OSBPL10: variants seen among roughly 807,000 people sequenced by gnomAD.
OSBPL10 encodes oxysterol-binding protein-related protein 10.
A neutral mutation model predicts 81.7 loss-of-function variants in OSBPL10; 49 were observed. That is an observed-to-expected ratio of 0.60 (90% confidence interval 0.48 to 0.76). OSBPL10 has a LOEUF of 0.76. OSBPL10 is among the 30% of genes least tolerant of loss of function. The pLI is 0.00. For missense variants in OSBPL10, 923 were observed against 987.8 expected (o/e 0.93, Z 0.88); for synonymous variants, 419 against 383.6 (o/e 1.09, Z -1.08).
chr3:31,953,202 A>C (rs916425595), intron 1 of OSBPL10, among the ~76,000 whole-genome samples: 6 of 151,778 alleles, frequency 4.0e-5, no homozygotes, highest in Non-Finnish European at 4.4e-5. Context: ...CAAAGTGCTG[A>C]GATTACAGGC....
intron 1 of OSBPL10, among the ~76,000 whole-genome samples, chr3:31,932,329 C>T (rs1697272113): frequency 6.6e-6 from 1 of 152,164 alleles, no homozygotes; most frequent in African/African-American, 2.4e-5. Flanking sequence ...TTCCTTACCT[C>T]CAAGACAACA....
At chr3:31,738,235 G>A (rs890061027) in intron 5 of OSBPL10, among the ~76,000 whole-genome samples, 7 of 151,902 alleles carry the variant, frequency 4.6e-5, no homozygotes, top group African/African-American at 1.2e-4. Context: ...TATTTTCTCC[G>A]GCTTTTTATT....
intron 4 of OSBPL10, among the ~76,000 whole-genome samples, chr3:31,769,278 AC>A (rs1698289161): frequency 6.6e-6 from 1 of 151,740 alleles, no homozygotes; most frequent in South Asian, 2.1e-4. Flanking sequence ...CCCCGTCTCT[AC>A]TAAAAAACAC....
At chr3:31,810,047 C>T (rs6809140) in intron 4 of OSBPL10, among the ~76,000 whole-genome samples, 145,093 of 151,910 alleles carry the variant, frequency 0.96, 69,425 homozygotes, top group African/African-American at 0.97. Flanking sequence ...AATTTCGTAT[C>T]TTTGATAGAG....
At chr3:31,812,717 A>AAGAAAGAG (rs1553628768) in intron 4 of OSBPL10, among the ~76,000 whole-genome samples, 1 of 53,490 alleles carries the variant, frequency 1.9e-5, no homozygotes, top group East Asian at 1.8e-3. Flanking sequence ...GTAGGCAAAA[A>AAGAAAGAG]AAAAGAAAGA....
At chr3:31,863,135 C>T (rs1355810890) in intron 3 of OSBPL10, among the ~76,000 whole-genome samples, 1 of 151,844 alleles carries the variant, frequency 6.6e-6, no homozygotes, top group Non-Finnish European at 1.5e-5. Flanking sequence ...CTTGAAAACA[C>T]TATGCTAAGT....
chr3:31,735,692 AGGAAGT>A (rs1349379776), intron 5 of OSBPL10, among the ~76,000 whole-genome samples: 3 of 151,884 alleles, frequency 2.0e-5, no homozygotes, highest in African/African-American at 7.3e-5. Context: ...TACATCGGGG[AGGAAGT>A]CTCCTGTGTA....
At chr3:31,739,295 G>T (rs952645137) in intron 5 of OSBPL10, among the ~76,000 whole-genome samples, 1 of 152,020 alleles carries the variant, frequency 6.6e-6, no homozygotes, top group African/African-American at 2.4e-5. Context: ...AGGAGGGAAA[G>T]GAAAGGACGA....
chr3:32,026,066 G>GATA (rs1237927912), intron 2 of OSBPL10, among the ~76,000 whole-genome samples: 8 of 78,772 alleles, frequency 1.0e-4, no homozygotes, highest in East Asian at 1.2e-3. Flanking sequence ...ATGATAGATA[G>GATA]ATAGATAGAT....
chr3:31,714,492 ACTGT>A (rs1233306255), intron 6 of OSBPL10: 2 of 152,730 alleles, frequency 1.3e-5, no homozygotes, highest in Admixed American at 6.5e-5. Flanking sequence ...ACTAGTCAAA[ACTGT>A]CTGCAGATTC....
At chr3:31,815,920 A>G (rs1699823550) in intron 4 of OSBPL10, among the ~76,000 whole-genome samples, 2 of 152,180 alleles carry the variant, frequency 1.3e-5, no homozygotes, top group African/African-American at 4.8e-5. Context: ...ACGTGAGATA[A>G]AAACAGGCAG....
intron 3 of OSBPL10, among the ~76,000 whole-genome samples, chr3:31,832,989 G>T (rs529239361): frequency 2.0e-5 from 3 of 152,342 alleles, no homozygotes; most frequent in Non-Finnish European, 4.4e-5. Flanking sequence ...AAATACCGCA[G>T]ATTGTAAAGA....
chr3:31,860,216 G>A (rs1701025494), intron 3 of OSBPL10, among the ~76,000 whole-genome samples: 1 of 152,146 alleles, frequency 6.6e-6, no homozygotes. Flanking sequence ...GGCAACCTCT[G>A]CATCATTCAC....
At position 31,965,449 on chromosome 3, in the gene OSBPL10, T is replaced by TATAATAGATAATATAA. The variant is rs1559534768; in HGVS notation, c.281+15449_281+15450insTTATATTATCTATTAT. ...TAGATAATATATAATATATATTATA[T>TATAATAGATAATATAA]AATATATAATTTATATAATATATAT... is the stretch of plus-strand genomic sequence containing the variant. On this transcript the variant is annotated intron_variant, in intron 1 of 11. Coordinates refer to ENST00000396556, the MANE Select transcript of OSBPL10 (RefSeq NM_017784.5). 3.3e-3 allele frequency among the ~76,000 whole-genome samples: 243 copies of TATAATAGATAATATAA among 73,498 alleles called. 36 individuals carry two copies. Among genetic ancestry groups the TATAATAGATAATATAA allele is most frequent in the African/African-American group, 0.017 (161 of 9,346 alleles). The allele number at this position is 73,498 out of a possible 152,430, so 48.2% of individuals were successfully genotyped here.
chr3:32,070,013 C>T (rs1699815936), intron 1 of OSBPL10, among the ~76,000 whole-genome samples: 1 of 152,224 alleles, frequency 6.6e-6, no homozygotes, highest in African/African-American at 2.4e-5. Context: ...GCCTCTGGAG[C>T]CCAAACCCAG....
chr3:31,705,751 C>T (rs533969836), intron 6 of OSBPL10, among the ~76,000 whole-genome samples: 1 of 152,322 alleles, frequency 6.6e-6, no homozygotes, highest in Admixed American at 6.5e-5. Context: ...CTCCTGGGAG[C>T]CCCTGCACGC....
intron 4 of OSBPL10, among the ~76,000 whole-genome samples, chr3:31,764,747 C>T (rs1217930662): frequency 6.6e-6 from 1 of 152,172 alleles, no homozygotes; most frequent in Non-Finnish European, 1.5e-5. Flanking sequence ...TTTAACTGCA[C>T]ATTATATATC....
intron 4 of OSBPL10, among the ~76,000 whole-genome samples, chr3:31,763,239 A>C (rs1698106450): frequency 6.6e-6 from 1 of 152,246 alleles, no homozygotes; most frequent in Non-Finnish European, 1.5e-5. Flanking sequence ...CATATAAAAC[A>C]AAAAGAAACA....
rs1197225849 is a variant in OSBPL10, at chr3:31,812,843, AGAAC to A, written c.729+17193_729+17196del. On this transcript the variant is annotated intron_variant, in intron 4 of 11. Transcript: ENST00000396556. ...GAGAAAGAAAGAAAGAAAGAAAGAA[AGAAC>A]GAACTTCTCCAATAACATGTGAGAA... Among the ~76,000 whole-genome samples the A allele has an allele frequency of 2.3e-3, 319 of 140,736 alleles. 14 individuals are homozygous for A. Among genetic ancestry groups the A allele is most frequent in the African/African-American group, 6.5e-3 (251 of 38,382 alleles). 92.3% of individuals were successfully genotyped at this position (140,736 alleles called of 152,430 possible).
Sources: gnomAD v4.1 joint callset for allele counts (sites outside exome capture counted in the v4.1 genomes callset) on GRCh38, gnomAD v4.1.1 for gene constraint, MANE v1.5 for transcripts, NCBI Gene and HGNC (gene_info 2026-07-23, HGNC 2026-07-21) for gene names.